The following ST8SIA2 variants were observed in gnomAD, a reference collection of about 807,000 sequenced individuals.
ST8SIA2 encodes the protein ST8 alpha-N-acetyl-neuraminide alpha-2,8-sialyltransferase 2, also known as alpha-2,8-sialyltransferase 8B.
Under a neutral mutation model 37.6 loss-of-function variants are expected in ST8SIA2, and 22 were observed. The observed-to-expected ratio is 0.58, with a 90% CI of 0.42 to 0.83. The LOEUF is 0.83. Among genes scored for constraint, ST8SIA2 ranks in the 40% least tolerant of loss-of-function variants. The pLI, the probability that ST8SIA2 is intolerant of heterozygous loss-of-function variation, is 0.00. For synonymous variants in ST8SIA2, 205 were observed against 201.2 expected (o/e 1.02, Z -0.16); for missense variants, 382 against 484.7 (o/e 0.79, Z 1.99).
intron 1 of ST8SIA2, among the ~76,000 whole-genome samples, chr15:92,399,206 A>T (rs147814166): frequency 1.7e-4 from 26 of 152,378 alleles, no homozygotes; most frequent in African/African-American, 5.5e-4. Flanking sequence ...GCCTGCCTCG[A>T]TACTACGTGC....
At position 92,459,964 on chromosome 15, in the gene ST8SIA2, C is replaced by T. The variant is rs571150984; in HGVS notation, c.843-4136C>T. Among the ~76,000 whole-genome samples, 249 of 152,294 alleles carry T rather than the reference C, an allele frequency of 1.6e-3. 1 individual carries two copies. The highest frequency in any genetic ancestry group is 5.7e-3 in the African/African-American group (237 of 41,562). ...GATCTGGGACCACCATACTCAACAA[C>T]AGTAAGACTGGCTACCCGTCACGAT... On this transcript the variant is annotated intron_variant, in intron 5 of 5. Transcript: ENST00000268164.
At chr15:92,452,786 G>A (rs2141845634) in intron 5 of ST8SIA2, among the ~76,000 whole-genome samples, 1 of 152,242 alleles carries the variant, frequency 6.6e-6, no homozygotes, top group South Asian at 2.1e-4. Context: ...TGACTTCTCA[G>A]AACAACCTGA....
intron 4 of ST8SIA2, among the ~76,000 whole-genome samples, 154 bp from the exon 5 acceptor site, chr15:92,444,482 G>A (rs2049825767): frequency 6.6e-6 from 1 of 152,248 alleles, no homozygotes; most frequent in African/African-American, 2.4e-5. Context: ...GAGGAGAAAG[G>A]ATGATGGGAG....
At chr15:92,424,781 T>C (rs1257690318) in intron 1 of ST8SIA2, among the ~76,000 whole-genome samples, 1 of 152,108 alleles carries the variant, frequency 6.6e-6, no homozygotes, top group East Asian at 1.9e-4. Flanking sequence ...CTGGCTAATT[T>C]TTGTATTTTT....
At chr15:92,406,247 A>T (rs867275822) in intron 1 of ST8SIA2, among the ~76,000 whole-genome samples, 1 of 152,218 alleles carries the variant, frequency 6.6e-6, no homozygotes, top group African/African-American at 2.4e-5. Flanking sequence ...AGGATTTGTT[A>T]AAAACAGAAC....
At chr15:92,396,330 A>G (rs1213236969) in intron 1 of ST8SIA2, among the ~76,000 whole-genome samples, 2 of 152,140 alleles carry the variant, frequency 1.3e-5, no homozygotes, top group East Asian at 1.9e-4. Context: ...AGCCCCACAC[A>G]TGTTTAATCC....
chr15:92,425,459 G>A (rs1686687742), intron 1 of ST8SIA2, among the ~76,000 whole-genome samples: 1 of 152,222 alleles, frequency 6.6e-6, no homozygotes, highest in Admixed American at 6.5e-5. Context: ...GCAAAGCACT[G>A]TGCAAGGCTA....
chr15:92,421,820 AAGGCTTTGTAGAAGAACG>A, intron 1 of ST8SIA2, among the ~76,000 whole-genome samples: 1 of 152,210 alleles, frequency 6.6e-6, no homozygotes, highest in South Asian at 2.1e-4. Context: ...GAACCAAGGA[AAGGCTTTGTAGAAGAACG>A]AGGCTACCTT....
intron 3 of ST8SIA2, among the ~76,000 whole-genome samples, chr15:92,436,448 T>C (rs942133618): frequency 6.6e-6 from 1 of 152,212 alleles, no homozygotes; most frequent in Non-Finnish European, 1.5e-5. Flanking sequence ...AAGAATTTCC[T>C]CCAGCTTCAA....
At position 92,400,205 on chromosome 15, in the gene ST8SIA2, C is replaced by T. The variant is rs114186758; in HGVS notation, c.98+6043C>T. Among the ~76,000 whole-genome samples, 880 of 152,310 alleles carry T rather than the reference C, an allele frequency of 5.8e-3. 12 individuals are homozygous for T. Among genetic ancestry groups the T allele is most frequent in the African/African-American group, 0.02 (831 of 41,562 alleles). ...GTATCTCCTAGACCCCGTCCCCTTCCGAGACATCTGCATTGGTTGCCCCTC... is the reference window on the plus strand; with the variant it reads ...GTATCTCCTAGACCCCGTCCCCTTCTGAGACATCTGCATTGGTTGCCCCTC... On this transcript the variant is annotated intron_variant, in intron 1 of 5. Transcript: ENST00000268164.
Position 92,433,701 on chromosome 15 carries a change from G to A in ST8SIA2, c.162-546G>A, listed in dbSNP as rs181892547. On this transcript the variant is annotated intron_variant, in intron 2 of 5. Coordinates refer to ENST00000268164, the MANE Select transcript of ST8SIA2 (RefSeq NM_006011.4). ...TCCCTTGCGTACAGTCTCCTATGAG[G>A]GACAGACACAGCACAGATGACTGTG... Among the ~76,000 whole-genome samples, 144 of 152,290 alleles carry A rather than the reference G, an allele frequency of 9.5e-4. 1 individual carries two copies. Among genetic ancestry groups the A allele is most frequent in the African/African-American group, 3.4e-3 (140 of 41,550 alleles).
At chr15:92,439,642 A>G (rs1158891606) in intron 4 of ST8SIA2, among the ~76,000 whole-genome samples, 1 of 151,984 alleles carries the variant, frequency 6.6e-6, no homozygotes. Context: ...CCGTGTCTTT[A>G]CTCTTGCATC....
chr15:92,464,072 CTTTTTTTTTT>C lies in ST8SIA2; in HGVS notation c.843-14_843-5del, dbSNP rs34156050. The C allele has an allele frequency of 2.4e-6, 3 of 1,271,958 alleles. No individual in the cohort carries two copies. Among genetic ancestry groups the C allele is most frequent in the Non-Finnish European group, 3.0e-6 (3 of 988,958 alleles). 78.8% of individuals were successfully genotyped at this position (1,271,958 alleles called of 1,614,324 possible). A position where few individuals can be genotyped will look rare whatever the true frequency, so the allele number is the denominator to read the frequency against. Reference sequence around the variant, plus strand: ...TGACTCACAGACCCATGTTTCTTTTCTTTTTTTTTTTTTTTTTTTTTTTCCAGATACTGGC... The same window carrying C: ...TGACTCACAGACCCATGTTTCTTTTCTTTTTTTTTTTTTCCAGATACTGGC... On this transcript the variant is annotated intron_variant, in intron 5 of 5. Coordinates refer to ENST00000268164, the MANE Select transcript of ST8SIA2 (RefSeq NM_006011.4).
intron 1 of ST8SIA2, among the ~76,000 whole-genome samples, chr15:92,410,713 T>TG (rs1279336796): frequency 1.3e-5 from 2 of 152,224 alleles, no homozygotes; most frequent in African/African-American, 4.8e-5. Context: ...TTGCCATCCC[T>TG]GACCTCCCAT....
rs1424226409 is a variant in ST8SIA2, at chr15:92,465,991, A to T, written c.*1606A>T. 2 of 152,344 alleles carry T rather than the reference A, an allele frequency of 1.3e-5. No homozygotes were observed. Among genetic ancestry groups the T allele is most frequent in the East Asian group, 1.9e-4 (1 of 5,180 alleles). The allele number at this position is 152,344 out of a possible 1,614,324, so 9.4% of individuals were successfully genotyped here. Reference sequence around the variant, plus strand: ...TACCATCTTGAAGGTGAAGGGAGTTAAGAAAAGTAATCAAGACCTGCTCCT... The same window carrying T: ...TACCATCTTGAAGGTGAAGGGAGTTTAGAAAAGTAATCAAGACCTGCTCCT... On this transcript the variant is annotated 3_prime_UTR_variant, in exon 6 of 6. Coordinates refer to ENST00000268164, the MANE Select transcript of ST8SIA2 (RefSeq NM_006011.4).
chr15:92,401,744 T>C (rs2049473275), intron 1 of ST8SIA2, among the ~76,000 whole-genome samples: 1 of 151,772 alleles, frequency 6.6e-6, no homozygotes, highest in Non-Finnish European at 1.5e-5. Flanking sequence ...ATTGAAGGAA[T>C]GCGGAGGGAC....
At chr15:92,407,203 GAACTT>G (rs1178822620) in intron 1 of ST8SIA2, among the ~76,000 whole-genome samples, 1 of 152,140 alleles carries the variant, frequency 6.6e-6, no homozygotes, top group African/African-American at 2.4e-5. Flanking sequence ...AACAGAAAAA[GAACTT>G]AAACTGTGTG....
intron 2 of ST8SIA2, among the ~76,000 whole-genome samples, chr15:92,433,668 G>A (rs1449798928): frequency 6.6e-6 from 1 of 152,248 alleles, no homozygotes; most frequent in African/African-American, 2.4e-5. Flanking sequence ...TAAAATGAAT[G>A]TGGGAGATCC....
intron 4 of ST8SIA2, among the ~76,000 whole-genome samples, chr15:92,441,395 C>T (rs146188224): frequency 2.4e-3 from 358 of 152,250 alleles, no homozygotes; most frequent in African/African-American, 8.0e-3. Context: ...TGCATGGATC[C>T]GGCAGGGCAC....
Sources: allele counts gnomAD v4.1 joint callset (sites outside exome capture counted in the v4.1 genomes callset), GRCh38; gene constraint gnomAD v4.1.1; transcripts MANE v1.5; gene names NCBI Gene and HGNC (gene_info 2026-07-23, HGNC 2026-07-21).